The following CNGB3 variants were observed in gnomAD, a reference collection of about 807,000 sequenced individuals.
CNGB3 encodes the protein cyclic nucleotide-gated channel beta-3.
In CNGB3, 86 loss-of-function variants were observed where a neutral mutation model predicts 92.8. The observed-to-expected ratio is 0.93, with a 90% CI of 0.78 to 1.11. The LOEUF (loss-of-function observed/expected upper bound fraction) is 1.11. Ranked by LOEUF, CNGB3 falls within the 50% of genes least tolerant of loss-of-function variation. CNGB3 has a pLI of 0.00. For missense variants in CNGB3, 1,026 were observed against 956.8 expected (o/e 1.07, Z -0.95); for synonymous variants, 333 against 332.7 (o/e 1.00, Z -0.01).
At chr8:86,643,709 T>G (rs549262350) in intron 10 of CNGB3, 42 bp downstream of exon 10, 51 of 1,592,642 alleles carry the variant, frequency 3.2e-5, no homozygotes, top group Non-Finnish European at 3.3e-5. Flanking sequence ...AACAGAATGT[T>G]AAAAATAATC....
In CNGB3 at chr8:86,672,284, A is replaced by G. The variant is rs1823876095; in HGVS notation, c.339-1186T>C. ...TAGCTAATTTTTGTAGTTTTAGTAG[A>G]GACTGGGTCTCACCATGTTGGCCAG... On this transcript the variant is annotated intron_variant, in intron 3 of 17. Coordinates refer to ENST00000320005, the MANE Select transcript of CNGB3 (RefSeq NM_019098.5). Among the ~76,000 whole-genome samples, 3 of 152,098 alleles carry G rather than the reference A, an allele frequency of 2.0e-5. No individual in the cohort carries two copies. The South Asian group carries it at 6.2e-4, about 31-fold the overall frequency.
chr8:86,684,538 CT>C (rs1286463025), intron 3 of CNGB3, among the ~76,000 whole-genome samples: 1 of 151,824 alleles, frequency 6.6e-6, no homozygotes, highest in Non-Finnish European at 1.5e-5. Flanking sequence ...TTCACAAAAA[CT>C]TGTGCACACA....
chr8:86,607,996 C>T (rs1182852356), intron 14 of CNGB3, among the ~76,000 whole-genome samples: 1 of 152,182 alleles, frequency 6.6e-6, no homozygotes, highest in African/African-American at 2.4e-5. Context: ...AGAAATGTGA[C>T]TTGTCATTCT....
intron 3 of CNGB3, among the ~76,000 whole-genome samples, chr8:86,690,607 G>T (rs1824292741): frequency 6.6e-6 from 1 of 152,042 alleles, no homozygotes; most frequent in South Asian, 2.1e-4. Flanking sequence ...CATTGCTTTT[G>T]GTGTCTTAGA....
chr8:86,742,314 T>C (rs1202037828), intron 1 of CNGB3, among the ~76,000 whole-genome samples: 1 of 152,186 alleles, frequency 6.6e-6, no homozygotes, highest in Non-Finnish European at 1.5e-5. Context: ...CTTAAACATA[T>C]AGATAACTTA....
chr8:86,581,327 G>A (rs572518603), intron 15 of CNGB3, among the ~76,000 whole-genome samples: 1 of 152,290 alleles, frequency 6.6e-6, no homozygotes, highest in South Asian at 2.1e-4. Flanking sequence ...GAGGCTGAAT[G>A]TGGACTAGCA....
chr8:86,714,796 G>A (rs1171112781), intron 3 of CNGB3, among the ~76,000 whole-genome samples: 1 of 152,106 alleles, frequency 6.6e-6, no homozygotes, highest in African/African-American at 2.4e-5. Flanking sequence ...CAGTGCTACT[G>A]GTAGGGCACT....
chr8:86,623,300 A>T (rs755890363), intron 13 of CNGB3, among the ~76,000 whole-genome samples: 8 of 152,106 alleles, frequency 5.3e-5, no homozygotes, highest in Non-Finnish European at 8.8e-5. Context: ...AAACAAACAC[A>T]TCTGTTTTTG....
At chr8:86,622,160 A>G (rs1440741043) in intron 13 of CNGB3, among the ~76,000 whole-genome samples, 1 of 152,218 alleles carries the variant, frequency 6.6e-6, no homozygotes, top group African/African-American at 2.4e-5. Flanking sequence ...ATTGGTGTGT[A>G]TATACAAATA....
chr8:86,641,978 A>AGCTG (rs1823197391), intron 10 of CNGB3, among the ~76,000 whole-genome samples: 2 of 151,828 alleles, frequency 1.3e-5, no homozygotes, highest in African/African-American at 2.4e-5. Flanking sequence ...TATGGGCTAA[A>AGCTG]GCTGAGATTT....
intron 10 of CNGB3, among the ~76,000 whole-genome samples, chr8:86,643,415 T>G (rs1823230219): frequency 6.6e-6 from 1 of 151,402 alleles, no homozygotes; most frequent in Admixed American, 6.6e-5. Flanking sequence ...TCCACTTTTC[T>G]TTATGCGCTC....
intron 4 of CNGB3, 111 bp downstream of exon 4, chr8:86,670,833 T>A (rs1823844336): frequency 8.6e-7 from 1 of 1,161,374 alleles, no homozygotes; most frequent in African/African-American, 1.5e-5. Flanking sequence ...AAACTGTACG[T>A]AAATCATTTT....
At chr8:86,679,074 A>C (rs1824030981) in intron 3 of CNGB3, among the ~76,000 whole-genome samples, 1 of 152,118 alleles carries the variant, frequency 6.6e-6, no homozygotes, top group African/African-American at 2.4e-5. Context: ...TGTTTGATAC[A>C]ATGTTCCTGA....
At position 86,578,855 on chromosome 8, in the gene CNGB3, A is replaced by G. The variant is rs1821708346; in HGVS notation, c.1937T>C (p.Leu646Ser). The G allele has an allele frequency of 6.2e-7, 1 of 1,614,176 alleles. No homozygotes were observed. Among genetic ancestry groups the G allele is most frequent in the Non-Finnish European group, 8.5e-7 (1 of 1,180,026 alleles). ...RILMKKARVL[L>S]KQKAKTAEAT... ...TTCTGCGGTCTTAGCCTTCTGCTTT[A>G]AAAGCACTCTGTGGGTAAGAGAGAA... is the stretch of plus-strand genomic sequence containing the variant. The change falls in exon 17 of 18, where the codon TTA becomes TCA. Residue 646 changes from leucine to serine, a missense_variant. By Grantham distance (145) the Leu-to-Ser change is moderately radical. Coordinates refer to ENST00000320005, the MANE Select transcript of CNGB3 (RefSeq NM_019098.5).
At chr8:86,626,148 G>C in intron 12 of CNGB3, 68 bp from the exon 13 acceptor site, 1 of 1,261,290 alleles carries the variant, frequency 7.9e-7, no homozygotes, top group South Asian at 1.2e-5. Flanking sequence ...CAAGGTACAA[G>C]TAGAAAAATT....
intron 3 of CNGB3, among the ~76,000 whole-genome samples, chr8:86,694,197 C>T (rs866048914): frequency 1.0e-3 from 141 of 139,592 alleles, no homozygotes; most frequent in African/African-American, 2.3e-3. Flanking sequence ...ACCTCCCTCC[C>T]GGACGGGGCG....
At chr8:86,627,493 T>C (rs893939754) in intron 12 of CNGB3, among the ~76,000 whole-genome samples, 9 of 152,130 alleles carry the variant, frequency 5.9e-5, no homozygotes, top group African/African-American at 2.2e-4. Context: ...TAACCAGTGG[T>C]TTCTGTCTGC....
intron 6 of CNGB3, among the ~76,000 whole-genome samples, chr8:86,664,762 G>C (rs921903190): frequency 6.6e-6 from 1 of 152,110 alleles, no homozygotes; most frequent in Non-Finnish European, 1.5e-5. Context: ...TAGACCTGTA[G>C]ATGCCATATT....
chr8:86,623,415 G>A (rs748335423), intron 13 of CNGB3, among the ~76,000 whole-genome samples: 20 of 152,148 alleles, frequency 1.3e-4, no homozygotes, highest in Non-Finnish European at 2.6e-4. Flanking sequence ...GCATTAGCAG[G>A]TTTGGTGTCT....
Sources: gnomAD v4.1 joint callset for allele counts (sites outside exome capture counted in the v4.1 genomes callset) on GRCh38, gnomAD v4.1.1 for gene constraint, MANE v1.5 for transcripts, NCBI Gene and HGNC (gene_info 2026-07-23, HGNC 2026-07-21) for gene names.